The following SPATA6 variants were observed in gnomAD, a reference collection of about 807,000 sequenced individuals.
The protein encoded by SPATA6 is spermatogenesis-associated protein 6.
In SPATA6, 56 loss-of-function variants were observed where a neutral mutation model predicts 65.3. That is an observed-to-expected ratio of 0.86 (90% CI 0.69 to 1.07). SPATA6 has a LOEUF of 1.07. SPATA6 is among the 50% of genes least tolerant of loss of function. SPATA6 has a pLI of 0.00. For synonymous variants in SPATA6, 199 were observed against 213.2 expected (o/e 0.93, Z 0.58); for missense variants, 590 against 594.8 (o/e 0.99, Z 0.08).
chr1:48,278,855 G>A, the SPATA6 span, among the ~76,000 whole-genome samples: 1 of 152,130 alleles, frequency 6.6e-6, no homozygotes, highest in Non-Finnish European at 1.5e-5. Flanking sequence ...TCCTCGAGAA[G>A]AGCAACTCCA....
chr1:48,381,053 C>A (rs1411057152), intron 9 of SPATA6, among the ~76,000 whole-genome samples: 2 of 152,148 alleles, frequency 1.3e-5, no homozygotes, highest in Non-Finnish European at 2.9e-5. Context: ...CCCTCATATG[C>A]ACAGCACAGT....
At chr1:48,318,620 CATAA>C (rs1007187518) in intron 11 of SPATA6, among the ~76,000 whole-genome samples, 5 of 151,974 alleles carry the variant, frequency 3.3e-5, no homozygotes, top group Admixed American at 6.6e-5. Context: ...TATAAGATGA[CATAA>C]ATAAATTTTT....
intron 3 of SPATA6, among the ~76,000 whole-genome samples, chr1:48,430,668 T>C (rs1225213382): frequency 3.3e-5 from 5 of 152,170 alleles, no homozygotes; most frequent in African/African-American, 7.2e-5. Flanking sequence ...CAATTATTAG[T>C]TTATGTTTTG....
At chr1:48,422,378 G>C (rs1196720007) in intron 3 of SPATA6, among the ~76,000 whole-genome samples, 1 of 152,178 alleles carries the variant, frequency 6.6e-6, no homozygotes, top group Non-Finnish European at 1.5e-5. Flanking sequence ...TTCTGGAAAA[G>C]AGAAATGAAA....
intron 11 of SPATA6, among the ~76,000 whole-genome samples, chr1:48,337,389 C>A (rs1237772230): frequency 6.6e-6 from 1 of 151,324 alleles, no homozygotes; most frequent in African/African-American, 2.4e-5. Context: ...ACAAAGAATA[C>A]CCACAAGAAA....
chr1:48,415,752 C>T (rs1342868250), intron 3 of SPATA6, among the ~76,000 whole-genome samples: 1 of 147,556 alleles, frequency 6.8e-6, no homozygotes, highest in East Asian at 2.0e-4. Context: ...AAAAAAAACA[C>T]AAAAGTGCCT....
chr1:48,399,734 G>A, intron 6 of SPATA6, 90 bp from the exon 7 acceptor site: 6 of 1,245,892 alleles, frequency 4.8e-6, no homozygotes, highest in Non-Finnish European at 6.5e-6. Flanking sequence ...ATTTAAATAA[G>A]ACGCAAAATC....
At chr1:48,262,731 A>C in the SPATA6 span, 1 of 152,172 alleles carries the variant, frequency 6.6e-6, no homozygotes, top group African/African-American at 2.4e-5. Flanking sequence ...AATATACAAA[A>C]ATATTAGCAA....
chr1:48,270,948 G>A, the SPATA6 span, among the ~76,000 whole-genome samples: 1 of 152,064 alleles, frequency 6.6e-6, no homozygotes, highest in Non-Finnish European at 1.5e-5. Flanking sequence ...AATTAAGACA[G>A]CTAACCATAG....
In SPATA6 at chr1:48,412,862, G is replaced by A. The variant is rs1008619427; in HGVS notation, c.280+248C>T. On this transcript the variant is annotated intron_variant, in intron 4 of 12. Coordinates refer to ENST00000371847, the MANE Select transcript of SPATA6 (RefSeq NM_019073.4). ...TTGAACTCCTGACCTCAGGTGATCC[G>A]CCTGCCTCAGCCTCCCAAAGTGCTG... Among the ~76,000 whole-genome samples, 12 of 151,918 alleles carry A rather than the reference G, an allele frequency of 7.9e-5. No individual in the cohort carries two copies. In the South Asian group the frequency reaches 1.5e-3, roughly 18 times the overall value.
Position 48,319,749 on chromosome 1 carries a change from C to T in SPATA6, c.1195-13871G>A, listed in dbSNP as rs1034159886. 5.9e-5 allele frequency among the ~76,000 whole-genome samples: 9 copies of T among 152,268 alleles called. No individual in the cohort carries two copies. In the South Asian group the frequency reaches 1.9e-3, roughly 32 times the overall value. On this transcript the variant is annotated intron_variant, in intron 11 of 12. Coordinates refer to ENST00000371847, the MANE Select transcript of SPATA6 (RefSeq NM_019073.4). ...CTCCAACACCTCCAGACTAACACAGCGAGCCACCTGGAGATTGTGTACAGG... is the reference window on the plus strand; with the variant it reads ...CTCCAACACCTCCAGACTAACACAGTGAGCCACCTGGAGATTGTGTACAGG...
At chr1:48,337,845 T>C (rs1646102411) in intron 11 of SPATA6, among the ~76,000 whole-genome samples, 3 of 152,002 alleles carry the variant, frequency 2.0e-5, no homozygotes, top group Admixed American at 1.3e-4. Context: ...TCTAAATTAA[T>C]AGACACAATT....
At chr1:48,359,940 T>C (rs1241232810) in intron 9 of SPATA6, among the ~76,000 whole-genome samples, 170 bp from the exon 10 acceptor site, 1 of 152,064 alleles carries the variant, frequency 6.6e-6, no homozygotes, top group Non-Finnish European at 1.5e-5. Flanking sequence ...ATTCAGAACA[T>C]AGTAATTAGT....
At chr1:48,336,844 A>G (rs1410896820) in intron 11 of SPATA6, among the ~76,000 whole-genome samples, 1 of 152,002 alleles carries the variant, frequency 6.6e-6, no homozygotes, top group Admixed American at 6.6e-5. Context: ...TCTTCATATC[A>G]TTCAGTTTGA....
chr1:48,366,296 A>C (rs1209460401), intron 9 of SPATA6, among the ~76,000 whole-genome samples: 2 of 152,100 alleles, frequency 1.3e-5, no homozygotes, highest in African/African-American at 4.8e-5. Flanking sequence ...TATCAGGATG[A>C]TGCTGGCCTC....
chr1:48,274,194 GT>G, the SPATA6 span, among the ~76,000 whole-genome samples: 229 of 151,986 alleles, frequency 1.5e-3, 2 homozygotes, highest in African/African-American at 5.3e-3. Context: ...ATGGGGTTTT[GT>G]TTTTTTCTTG....
intron 3 of SPATA6, among the ~76,000 whole-genome samples, chr1:48,438,093 C>T (rs943349120): frequency 8.5e-5 from 13 of 152,224 alleles, no homozygotes; most frequent in South Asian, 2.1e-4. Context: ...TCCCCTTCCA[C>T]GCTGTGGAAG....
At chr1:48,433,685 A>C (rs1006253607) in intron 3 of SPATA6, among the ~76,000 whole-genome samples, 1 of 152,170 alleles carries the variant, frequency 6.6e-6, no homozygotes, top group Non-Finnish European at 1.5e-5. Flanking sequence ...TTACCTCCCC[A>C]AACTATAAAG....
At chr1:48,316,938 T>C (rs1645445540) in intron 11 of SPATA6, among the ~76,000 whole-genome samples, 1 of 152,206 alleles carries the variant, frequency 6.6e-6, no homozygotes, top group Admixed American at 6.5e-5. Flanking sequence ...ATGCTCATCA[T>C]CACTGGCCAT....
Sources: gnomAD v4.1 joint callset for allele counts (sites outside exome capture counted in the v4.1 genomes callset) on GRCh38, gnomAD v4.1.1 for gene constraint, MANE v1.5 for transcripts, NCBI Gene and HGNC (gene_info 2026-07-23, HGNC 2026-07-21) for gene names.